Variants in AUTS2 observed in about 807,000 individuals in gnomAD.
AUTS2 encodes the protein autism susceptibility gene 2 protein.
AUTS2 carries 17 observed loss-of-function variants against 112.4 expected under a neutral mutation model. The observed-to-expected ratio is 0.15, with a 90% CI of 0.10 to 0.23. The LOEUF is 0.23. Ranked by LOEUF, AUTS2 falls within the 10% of genes least tolerant of loss-of-function variation. The pLI is 1.00. For synonymous variants in AUTS2, 751 were observed against 702.7 expected, an observed-to-expected ratio of 1.07 and a Z score of -1.09; for missense variants, 1,510 against 1,701.6, an observed-to-expected ratio of 0.89 and a Z score of 1.98.
chr7:70,520,539 A>G (rs1040046236), intron 5 of AUTS2, among the ~76,000 whole-genome samples: 2 of 152,228 alleles, frequency 1.3e-5, no homozygotes, highest in African/African-American at 2.4e-5. Flanking sequence ...CACGTGCATC[A>G]TGATCACGCC....
At chr7:70,143,893 A>G (rs752409010) in intron 4 of AUTS2, among the ~76,000 whole-genome samples, 3 of 152,326 alleles carry the variant, frequency 2.0e-5, no homozygotes, top group Middle Eastern at 3.4e-3. Flanking sequence ...GCAGCAAGGC[A>G]TAACAGCTGT....
Position 70,725,469 on chromosome 7 carries a change from A to C in AUTS2, c.742+26849A>C, listed in dbSNP as rs370011089. Among the ~76,000 whole-genome samples, 173 of 152,232 alleles carry C rather than the reference A, an allele frequency of 1.1e-3. 5 individuals carry two copies. The highest frequency in any genetic ancestry group is 8.7e-3 in the South Asian group (42 of 4,816). ...TAAGAATGAATGAAATTTGGGAGCAACTCTAGTCCCCATGTTCTGTCGTGA... is the reference window on the plus strand; with the variant it reads ...TAAGAATGAATGAAATTTGGGAGCACCTCTAGTCCCCATGTTCTGTCGTGA... On this transcript the variant is annotated intron_variant, in intron 6 of 18. Transcript: ENST00000342771.
intron 1 of AUTS2, among the ~76,000 whole-genome samples, chr7:69,665,515 C>T (rs1795992155): frequency 6.6e-6 from 1 of 152,144 alleles, no homozygotes; most frequent in African/African-American, 2.4e-5. Context: ...ATTGGCCTTG[C>T]ACTTACATAG....
chr7:70,376,678 G>C (rs961522210), intron 4 of AUTS2, among the ~76,000 whole-genome samples: 1 of 150,426 alleles, frequency 6.6e-6, no homozygotes, highest in African/African-American at 2.5e-5. Flanking sequence ...GGCCTGCAGG[G>C]GTAAATGCTG....
At chr7:69,632,575 CTCTCCCCTCTCCCCTCTGCCT>C (rs1407984389) in intron 1 of AUTS2, among the ~76,000 whole-genome samples, 45 of 147,462 alleles carry the variant, frequency 3.1e-4, no homozygotes, top group African/African-American at 8.2e-4. Context: ...CCCCTCTCCC[CTCTCCCCTCTCCCCTCTGCCT>C]TCTCCCCTCT....
intron 4 of AUTS2, among the ~76,000 whole-genome samples, chr7:70,232,741 T>C (rs904857434): frequency 6.6e-6 from 1 of 152,236 alleles, no homozygotes; most frequent in Non-Finnish European, 1.5e-5. Flanking sequence ...TCTGTCATTG[T>C]CATGACAAGA....
intron 2 of AUTS2, among the ~76,000 whole-genome samples, chr7:69,967,833 G>A (rs1401397075): frequency 6.6e-6 from 1 of 152,154 alleles, no homozygotes; most frequent in African/African-American, 2.4e-5. Flanking sequence ...TTTTCCCAGG[G>A]GAAACCTGCC....
At chr7:69,923,298 T>TG (rs1179116102) in intron 2 of AUTS2, among the ~76,000 whole-genome samples, 7 of 152,236 alleles carry the variant, frequency 4.6e-5, no homozygotes, top group Admixed American at 4.6e-4. Context: ...TCCATGTATG[T>TG]GTGAGTTTAT....
chr7:70,672,493 TCA>T (rs1491191199), intron 5 of AUTS2, among the ~76,000 whole-genome samples: 2 of 152,172 alleles, frequency 1.3e-5, no homozygotes, highest in African/African-American at 4.8e-5. Flanking sequence ...CCTGCTAAGC[TCA>T]TAAACGTTAA....
At chr7:70,002,233 T>G (rs1799232113) in intron 2 of AUTS2, among the ~76,000 whole-genome samples, 1 of 152,190 alleles carries the variant, frequency 6.6e-6, no homozygotes, top group African/African-American at 2.4e-5. Context: ...CAGAATGCAT[T>G]TGGCTTTCAG....
At chr7:70,038,689 A>G (rs1801114048) in intron 2 of AUTS2, among the ~76,000 whole-genome samples, 1 of 152,014 alleles carries the variant, frequency 6.6e-6, no homozygotes, top group Non-Finnish European at 1.5e-5. Flanking sequence ...TATGAAATAG[A>G]CCCAATTCAA....
chr7:70,129,244 G>A, intron 3 of AUTS2, among the ~76,000 whole-genome samples: 1 of 152,098 alleles, frequency 6.6e-6, no homozygotes, highest in East Asian at 1.9e-4. Flanking sequence ...TTTTTATTGT[G>A]TCTGAAAGCA....
At chr7:69,825,704 A>ACTTAATCCCTGAGCCTTTCTC (rs1791211173) in intron 1 of AUTS2, 2 of 151,838 alleles carry the variant, frequency 1.3e-5, no homozygotes, top group Non-Finnish European at 2.9e-5. Context: ...TAGCCTTTTT[A>ACTTAATCCCTGAGCCTTTCTC]CTTAATCCCT....
intron 9 of AUTS2, among the ~76,000 whole-genome samples, chr7:70,767,093 CAGTG>C (rs1421393141): frequency 6.6e-6 from 1 of 152,104 alleles, no homozygotes; most frequent in Non-Finnish European, 1.5e-5. Flanking sequence ...TCCTGTCTAA[CAGTG>C]AGTATTAGAG....
intron 6 of AUTS2, among the ~76,000 whole-genome samples, chr7:70,717,015 A>ATTTTTTTTTTTTTTTTTTTT (rs1810417066): frequency 9.7e-5 from 1 of 10,352 alleles, no homozygotes. Context: ...TTTTTTTTTT[A>ATTTTTTTTTTTTTTTTTTTT]TTACTGTTTA....
rs1793364557 is a variant in AUTS2, at chr7:69,616,186, C to T, written c.309+16224C>T. Among the ~76,000 whole-genome samples the T allele has an allele frequency of 2.0e-5, 3 of 152,176 alleles. No individual in the cohort carries two copies. In the South Asian group the frequency reaches 6.2e-4, roughly 32 times the overall value. On this transcript the variant is annotated intron_variant, in intron 1 of 18. Transcript: ENST00000342771. ...AGAATTCTTTTCTAGGATGCTCCCT[C>T]AACCTCTGTTTTTCTGAATGTGAGC... is the stretch of plus-strand genomic sequence containing the variant.
At chr7:70,357,446 C>T (rs1792061205) in intron 4 of AUTS2, among the ~76,000 whole-genome samples, 1 of 152,192 alleles carries the variant, frequency 6.6e-6, no homozygotes, top group African/African-American at 2.4e-5. Flanking sequence ...ATCTTCCCAT[C>T]CATTACTACT....
intron 1 of AUTS2, among the ~76,000 whole-genome samples, chr7:69,606,883 A>G (rs369477436): frequency 1.3e-5 from 2 of 152,212 alleles, no homozygotes; most frequent in African/African-American, 2.4e-5. Context: ...TGAAGAGGAC[A>G]TAGAATTTAA....
At chr7:70,267,744 TG>T (rs1787502286) in intron 4 of AUTS2, among the ~76,000 whole-genome samples, 1 of 152,176 alleles carries the variant, frequency 6.6e-6, no homozygotes, top group African/African-American at 2.4e-5. Context: ...ATATGGTAAA[TG>T]GGAGTCTTAA....
Sources: gnomAD v4.1 joint callset for allele counts (sites outside exome capture counted in the v4.1 genomes callset) on GRCh38, gnomAD v4.1.1 for gene constraint, MANE v1.5 for transcripts, NCBI Gene and HGNC (gene_info 2026-07-23, HGNC 2026-07-21) for gene names.